WDFY3: variants seen among roughly 807,000 people sequenced by gnomAD.
The protein encoded by WDFY3 is WD repeat and FYVE domain containing 3.
In WDFY3, 66 loss-of-function variants were observed where a neutral mutation model predicts 409.6. The ratio of observed to expected loss-of-function variants is 0.16; its 90% CI spans 0.13 to 0.20. The LOEUF is 0.20. Among genes scored for constraint, WDFY3 ranks in the 10% least tolerant of loss-of-function variants. WDFY3 has a pLI of 1.00. For missense variants in WDFY3, 3,031 were observed against 4,298.1 expected, an observed-to-expected ratio of 0.71 and a Z score of 8.24; for synonymous variants, 1,521 against 1,537.1, an observed-to-expected ratio of 0.99 and a Z score of 0.25.
intron 66 of WDFY3, 92 bp from the exon 67 acceptor site, chr4:84,677,488 G>A (rs1399353618): frequency 4.6e-5 from 60 of 1,290,380 alleles, no homozygotes; most frequent in Non-Finnish European, 5.6e-5. Flanking sequence ...TGTGTGTTTT[G>A]AGGTCGGGGC....
At chr4:84,829,213 A>C in intron 8 of WDFY3, 23 bp from the exon 9 acceptor site, 1 of 1,506,718 alleles carries the variant, frequency 6.6e-7, no homozygotes, top group African/African-American at 1.4e-5. Context: ...ATAATTAAAT[A>C]AATATGCATT....
intron 6 of WDFY3, among the ~76,000 whole-genome samples, chr4:84,837,350 C>T (rs1560888276): frequency 1.3e-5 from 2 of 151,982 alleles, no homozygotes; most frequent in African/African-American, 2.4e-5. Flanking sequence ...CAGCATGTTT[C>T]GGAAGCATAA....
intron 26 of WDFY3, among the ~76,000 whole-genome samples, chr4:84,778,985 A>G (rs1280653149): frequency 1.3e-5 from 2 of 152,178 alleles, no homozygotes; most frequent in East Asian, 3.8e-4. Flanking sequence ...TGAAAACATC[A>G]CAGCAAGAAT....
chr4:84,679,912 A>T (rs1350711601), intron 64 of WDFY3, among the ~76,000 whole-genome samples: 2 of 151,796 alleles, frequency 1.3e-5, no homozygotes, highest in Non-Finnish European at 2.9e-5. Flanking sequence ...ATTTTTTGAG[A>T]CAGAATCTTG....
intron 1 of WDFY3, chr4:84,965,799 A>AG (rs1241491059): frequency 2.0e-5 from 3 of 152,120 alleles, no homozygotes; most frequent in African/African-American, 7.3e-5. Context: ...GGGGGGGGCC[A>AG]GGGCCTGATC....
At chr4:84,936,853 A>T (rs1771481484) in intron 1 of WDFY3, among the ~76,000 whole-genome samples, 1 of 152,032 alleles carries the variant, frequency 6.6e-6, no homozygotes, top group South Asian at 2.1e-4. Flanking sequence ...CAGGATTCAC[A>T]TCAAAATCTA....
chr4:84,778,664 A>G lies in WDFY3; in HGVS notation c.4366-9T>C, dbSNP rs1423220319. 6.2e-7 allele frequency: 1 copy of G among 1,602,070 alleles called. No homozygotes were observed. Among genetic ancestry groups the G allele is most frequent in the South Asian group, 1.1e-5 (1 of 88,594 alleles). ...AGCAACATTGCCAGCAACTACAAGA[A>G]AGTAATACCAAATGCCTGTTGATAA... On this transcript the variant is annotated splice_polypyrimidine_tract_variant and intron_variant, in intron 26 of 67. Coordinates refer to ENST00000295888, the MANE Select transcript of WDFY3 (RefSeq NM_014991.6).
chr4:84,883,221 T>C (rs532483955), intron 3 of WDFY3, among the ~76,000 whole-genome samples: 2 of 152,328 alleles, frequency 1.3e-5, no homozygotes, highest in African/African-American at 4.8e-5. Context: ...ATCATTTCTC[T>C]GTTGATCACA....
rs150263654 is a variant in WDFY3, at chr4:84,734,415, T to C, written c.6993+628A>G. 4.3e-3 allele frequency among the ~76,000 whole-genome samples: 660 copies of C among 152,316 alleles called. 4 individuals carry two copies. Among genetic ancestry groups the C allele is most frequent in the African/African-American group, 0.015 (617 of 41,576 alleles). On this transcript the variant is annotated intron_variant, in intron 43 of 67. Coordinates refer to ENST00000295888, the MANE Select transcript of WDFY3 (RefSeq NM_014991.6). ...ATTATCTATCACAGTAGTACTGATA[T>C]GTTCTTTGGTTGGGGAAACTAAGGA...
intron 44 of WDFY3, among the ~76,000 whole-genome samples, chr4:84,727,279 T>C (rs955994322): frequency 5.3e-5 from 8 of 151,980 alleles, no homozygotes; most frequent in African/African-American, 1.4e-4. Flanking sequence ...ATCAGGATAA[T>C]AGAACCTAAT....
chr4:84,939,224 C>T (rs535242451), intron 1 of WDFY3, among the ~76,000 whole-genome samples: 41 of 152,194 alleles, frequency 2.7e-4, no homozygotes, highest in Middle Eastern at 3.4e-3. Context: ...TTGCACTTGT[C>T]GAATGTTTCC....
intron 60 of WDFY3, 142 bp from the exon 61 acceptor site, chr4:84,690,806 A>C: frequency 9.5e-7 from 1 of 1,052,632 alleles, no homozygotes; most frequent in Middle Eastern, 2.7e-4. Context: ...TTAGTTCAGA[A>C]GCATATCCAC....
intron 61 of WDFY3, 51 bp from the exon 62 acceptor site, chr4:84,688,316 T>C (rs1446317535): frequency 6.4e-7 from 1 of 1,569,230 alleles, no homozygotes; most frequent in Middle Eastern, 1.7e-4. Context: ...GTGACAGGGT[T>C]CCACAGTGAC....
intron 32 of WDFY3, among the ~76,000 whole-genome samples, chr4:84,759,058 G>A (rs1344011889): frequency 6.6e-6 from 1 of 152,106 alleles, no homozygotes; most frequent in African/African-American, 2.4e-5. Context: ...TATTGAACAG[G>A]GAATCCTTTC....
At chr4:84,905,936 A>G (rs1457279188) in intron 2 of WDFY3, among the ~76,000 whole-genome samples, 1 of 152,268 alleles carries the variant, frequency 6.6e-6, no homozygotes, top group East Asian at 1.9e-4. Context: ...TTTTCTGGCA[A>G]TGTAGAAGTA....
chr4:84,818,214 T>G (rs1485460360), intron 12 of WDFY3, among the ~76,000 whole-genome samples: 1 of 152,180 alleles, frequency 6.6e-6, no homozygotes, highest in African/African-American at 2.4e-5. Context: ...AAAGGATGTA[T>G]GCCTACATAG....
chr4:84,788,404 GTGA>G (rs1269140192), intron 22 of WDFY3, among the ~76,000 whole-genome samples: 3 of 152,184 alleles, frequency 2.0e-5, no homozygotes, highest in Non-Finnish European at 4.4e-5. Flanking sequence ...GACAGGGACA[GTGA>G]TGATGATGTA....
chr4:84,959,308 AG>A (rs1774630595), intron 1 of WDFY3, among the ~76,000 whole-genome samples: 1 of 152,206 alleles, frequency 6.6e-6, no homozygotes, highest in Non-Finnish European at 1.5e-5. Flanking sequence ...AGAAAAAAAA[AG>A]GTATACTGGA....
intron 1 of WDFY3, among the ~76,000 whole-genome samples, chr4:84,945,155 T>C (rs577836420): frequency 2.0e-5 from 3 of 152,194 alleles, no homozygotes; most frequent in South Asian, 4.1e-4. Flanking sequence ...GACCAACTCA[T>C]ACTCCTCCAG....
Sources: allele counts gnomAD v4.1 joint callset (sites outside exome capture counted in the v4.1 genomes callset), GRCh38; gene constraint gnomAD v4.1.1; transcripts MANE v1.5; gene names NCBI Gene and HGNC (gene_info 2026-07-23, HGNC 2026-07-21).